Variants in NPAS1 observed in about 807,000 individuals in gnomAD.
NPAS1 encodes neuronal PAS domain-containing protein 1.
Under a neutral mutation model 49.2 loss-of-function variants are expected in NPAS1, and 29 were observed. The observed-to-expected ratio is 0.59, with a 90% confidence interval of 0.44 to 0.80. The LOEUF (loss-of-function observed/expected upper bound fraction) is 0.80, where lower values mean the gene tolerates loss of function less well. Among genes scored for constraint, NPAS1 ranks in the 30% least tolerant of loss-of-function variants. The probability of loss-of-function intolerance (pLI) is 0.00; values close to 1 mark genes in which losing one functional copy is unlikely to be tolerated. For synonymous variants in NPAS1, 408 were observed against 380.4 expected (o/e 1.07, Z -0.84); for missense variants, 825 against 835.5 (o/e 0.99, Z 0.15).
In NPAS1 at chr19:47,039,468, C is replaced by G; in HGVS notation, c.866C>G (p.Thr289Arg). 4.3e-6 allele frequency: 7 copies of G among 1,610,734 alleles called. No homozygotes were observed. The highest frequency in any genetic ancestry group is 5.9e-6 in the Non-Finnish European group (7 of 1,179,092). ...HALGLVALGH[T>R]LPPAPLAELP... Reference sequence around the variant, plus strand: ...CTGGGCCTTGTGGCCCTCGGGCACACGTTGCCCCCGGCCCCCCTGGCTGAG... The same window carrying G: ...CTGGGCCTTGTGGCCCTCGGGCACAGGTTGCCCCCGGCCCCCCTGGCTGAG... The change falls in exon 8 of 12, where the codon ACG becomes AGG. Residue 289 changes from threonine (T) to arginine (R), a missense_variant. By Grantham distance (71) the Thr-to-Arg change is moderately conservative. Transcript: ENST00000602212.
Position 47,036,100 on chromosome 19 carries a change from C to G in NPAS1, c.659C>G (p.Ser220Cys). 1 of 1,576,034 alleles carries G rather than the reference C, an allele frequency of 6.3e-7. No homozygotes were observed. The highest frequency in any genetic ancestry group is 2.3e-5 in the East Asian group (1 of 42,898). ...TCCGTCTCCTCTTCCTCCTCCTCTTCCTCTTCGCTTGCAGATACCCCCGAG... is the reference window on the plus strand; with the variant it reads ...TCCGTCTCCTCTTCCTCCTCCTCTTGCTCTTCGCTTGCAGATACCCCCGAG... ...PPSVSSSSSS[S>C]SSLADTPEIE... Residue 220 changes from serine to cysteine, a missense_variant, in exon 6 of 12, where the codon TCC (serine) becomes TGC (cysteine). Transcript: ENST00000602212.
chr19:47,032,733 G>C lies in NPAS1; in HGVS notation c.522+1G>C, dbSNP rs1355788925. 1.2e-6 allele frequency: 2 copies of C among 1,611,200 alleles called. No individual in the cohort carries two copies. The stretch of plus-strand genomic sequence containing the variant: ...CTCCATCTATCTGGGTCTCTCACAG[G>C]TAAGGGACCCCCAGTGGACCTGGAT... On this transcript the variant is annotated splice_donor_variant, in intron 5 of 11. Transcript: ENST00000602212. LOFTEE classifies it high-confidence loss of function.
At position 47,039,084 on chromosome 19, in the gene NPAS1, CCTT is replaced by C. The variant is rs766216936; in HGVS notation, c.741_743del (p.Phe248del). 4 of 1,614,062 alleles carry C rather than the reference CCTT, an allele frequency of 2.5e-6. No individual in the cohort carries two copies. The highest frequency in any genetic ancestry group is 3.4e-6 in the Non-Finnish European group (4 of 1,179,966). The stretch of plus-strand genomic sequence containing the variant: ...CCCTCCTCCCTGGTCCAGGAGCGCT[CCTT>C]CTTTGTCCGCATGAAATCCACGCTC... On this transcript the variant is annotated inframe_deletion, in exon 7 of 12. Coordinates refer to ENST00000602212, the MANE Select transcript of NPAS1 (RefSeq NM_002517.4).
chr19:47,023,494 GA>G (rs2056854283), intron 3 of NPAS1, among the ~76,000 whole-genome samples: 1 of 152,140 alleles, frequency 6.6e-6, no homozygotes, highest in Non-Finnish European at 1.5e-5. Context: ...CCAAAACTGG[GA>G]AATCGGGGGA....
chr19:47,038,719 T>C (rs905500013), intron 6 of NPAS1, among the ~76,000 whole-genome samples: 8 of 151,854 alleles, frequency 5.3e-5, no homozygotes, highest in Non-Finnish European at 1.2e-4. Context: ...CCCAGCTACT[T>C]GGGAGGCTGA....
At position 47,045,403 on chromosome 19, in the gene NPAS1, CG is replaced by C; in HGVS notation, c.1527del (p.Pro510HisfsTer?). The C allele has an allele frequency of 6.2e-7, 1 of 1,611,750 alleles. No homozygotes were observed. Among genetic ancestry groups the C allele is most frequent in the Non-Finnish European group, 8.5e-7 (1 of 1,179,280 alleles). On this transcript the variant is annotated frameshift_variant, in exon 12 of 12. Coordinates refer to ENST00000602212, the MANE Select transcript of NPAS1 (RefSeq NM_002517.4). LOFTEE classifies it low-confidence loss of function (END_TRUNC). Reference sequence around the variant, plus strand: ...AGGGGTCCTGAAGCAGGATCCGGTGCGGCCATGGGGCCTGGCGCCTCCCGGG... The same window carrying C: ...AGGGGTCCTGAAGCAGGATCCGGTGCGCCATGGGGCCTGGCGCCTCCCGGG... ...RAGVLKQDPV[R>X]PWGLAPPGDP...
intron 3 of NPAS1, among the ~76,000 whole-genome samples, chr19:47,029,589 C>T (rs1333405395): frequency 1.3e-5 from 2 of 151,874 alleles, no homozygotes; most frequent in African/African-American, 2.4e-5. Context: ...TTGGTAGAGA[C>T]AAAGTTTCAC....
chr19:47,045,123 T>G, intron 11 of NPAS1, 68 bp from the exon 12 acceptor site: 4 of 1,478,442 alleles, frequency 2.7e-6, no homozygotes, highest in Non-Finnish European at 3.7e-6. Context: ...TAAGCACAGC[T>G]CCATTCCACA....
rs753166510 is a variant in NPAS1, at chr19:47,039,109, G to A, written c.762G>A (p.Thr254=). The A allele has an allele frequency of 1.2e-5, 19 of 1,613,622 alleles. No homozygotes were observed. Among genetic ancestry groups the A allele is most frequent in the African/African-American group, 6.7e-5 (5 of 74,920 alleles). The change falls in exon 7 of 12, where the codon ACG becomes ACA. Residue 254 remains threonine, a synonymous_variant. Transcript: ENST00000602212. ...ERSFFVRMKS[T]LTKRGLHVKA... is the part of the protein sequence containing the mutation. ...CCTTCTTTGTCCGCATGAAATCCAC[G>A]CTCACCAAGAGGGGGCTGCACGTCA...
At position 47,036,083 on chromosome 19, in the gene NPAS1, C is replaced by T; in HGVS notation, c.642C>T (p.Ser214=). 1 of 1,587,210 alleles carries T rather than the reference C, an allele frequency of 6.3e-7. No individual in the cohort carries two copies. Among genetic ancestry groups the T allele is most frequent in the Non-Finnish European group, 8.6e-7 (1 of 1,166,952 alleles). Residue 214 remains serine (S), a synonymous_variant, in exon 6 of 12, where the codon TCC becomes TCT. Coordinates refer to ENST00000602212, the MANE Select transcript of NPAS1 (RefSeq NM_002517.4). ...TPGPPTPPSV[S]SSSSSSSSLA... The stretch of plus-strand genomic sequence containing the variant: ...GCCCCCCAACCCCGCCCTCCGTCTC[C>T]TCTTCCTCCTCCTCTTCCTCTTCGC...
intron 5 of NPAS1, among the ~76,000 whole-genome samples, chr19:47,033,001 G>GCAATCTT (rs2056918409): frequency 6.6e-6 from 1 of 151,958 alleles, no homozygotes; most frequent in Non-Finnish European, 1.5e-5. Flanking sequence ...GTGCAGTGGT[G>GCAATCTT]CGATCTTCGC....
chr19:47,020,171 A>C (rs542836677), intron 1 of NPAS1, among the ~76,000 whole-genome samples, 174 bp downstream of exon 1: 1 of 143,450 alleles, frequency 7.0e-6, no homozygotes, highest in African/African-American at 2.6e-5. Context: ...AGACCTGGAC[A>C]CGGGGGTCTG....
At position 47,032,264 on chromosome 19, in the gene NPAS1, T is replaced by G. The variant is rs1410664636; in HGVS notation, c.359-14T>G. 4 of 1,612,934 alleles carry G rather than the reference T, an allele frequency of 2.5e-6. No homozygotes were observed. Among genetic ancestry groups the G allele is most frequent in the Non-Finnish European group, 3.4e-6 (4 of 1,179,346 alleles). ...CAGCCAGACTAACAGGCTTCATCCT[T>G]CCATCTGCCCCAGCCCCAGGCCGCC... On this transcript the variant is annotated splice_polypyrimidine_tract_variant and intron_variant, in intron 3 of 11. Transcript: ENST00000602212.
chr19:47,043,515 G>A (rs997248135), intron 11 of NPAS1, among the ~76,000 whole-genome samples: 14 of 151,894 alleles, frequency 9.2e-5, no homozygotes, highest in South Asian at 2.1e-4. Flanking sequence ...GCTTGAACCC[G>A]GAGGGCAGAG....
At position 47,021,585 on chromosome 19, in the gene NPAS1, G is replaced by C. The variant is rs1376629106; in HGVS notation, c.123-27G>C. On this transcript the variant is annotated intron_variant, in intron 2 of 11. Transcript: ENST00000602212. The surrounding 1 kb of genome is among the most constrained non-coding windows in gnomAD (Gnocchi z 5.7). ...AGCCCCTGAGCCCCGGGGCCCCGCC[G>C]ACACCTCCTCCGCGCCGCCCGCCCA... The C allele has an allele frequency of 2.8e-6, 4 of 1,425,596 alleles. No homozygotes were observed. The East Asian group carries it at 1.1e-4, about 40-fold the overall frequency. 88.3% of individuals were successfully genotyped at this position (1,425,596 alleles called of 1,614,324 possible).
At chr19:47,040,659 C>T in intron 9 of NPAS1, 109 bp downstream of exon 9, 1 of 718,690 alleles carries the variant, frequency 1.4e-6, no homozygotes, top group South Asian at 1.7e-5. Flanking sequence ...GTCCCTCCTG[C>T]TGCACCTACA....
At chr19:47,020,232 G>A (rs960943271) in intron 1 of NPAS1, among the ~76,000 whole-genome samples, 1 of 151,652 alleles carries the variant, frequency 6.6e-6, no homozygotes, top group African/African-American at 2.4e-5. Context: ...GGTTCCTGGG[G>A]TTAGGGGGTG....
At chr19:47,043,236 C>T (rs1308959781) in intron 11 of NPAS1, among the ~76,000 whole-genome samples, 3 of 140,404 alleles carry the variant, frequency 2.1e-5, no homozygotes, top group African/African-American at 8.3e-5. Context: ...GCGGAGATTG[C>T]ACCACTGCAC....
intron 6 of NPAS1, 55 bp downstream of exon 6, chr19:47,036,184 G>C: frequency 1.3e-6 from 2 of 1,507,932 alleles, no homozygotes; most frequent in Non-Finnish European, 1.8e-6. Flanking sequence ...GGGGACGCCC[G>C]CTGTACTGTA....
Sources: allele counts gnomAD v4.1 joint callset (sites outside exome capture counted in the v4.1 genomes callset), GRCh38; gene constraint gnomAD v4.1.1; non-coding constraint Gnocchi (gnomAD v3.1); transcripts MANE v1.5; gene names NCBI Gene and HGNC (gene_info 2026-07-23, HGNC 2026-07-21).